PHACTR2: variants seen among roughly 807,000 people sequenced by gnomAD.
PHACTR2 encodes chromosome 6 open reading frame 56.
Under a neutral mutation model 76.0 loss-of-function variants are expected in PHACTR2, and 30 were observed. The ratio of observed to expected loss-of-function variants is 0.39; its 90% CI spans 0.30 to 0.54. PHACTR2 has a LOEUF of 0.54. Among genes scored for constraint, PHACTR2 ranks in the 20% least tolerant of loss-of-function variants. The pLI, the probability that PHACTR2 is intolerant of heterozygous loss-of-function variation, is 0.61. For synonymous variants in PHACTR2, 292 were observed against 292.5 expected (o/e 1.00, Z 0.02); for missense variants, 696 against 781.1 (o/e 0.89, Z 1.30).
In PHACTR2 at chr6:143,619,729, T is replaced by C. The variant is rs998392054; in HGVS notation, c.13+11407T>C. 6.6e-6 allele frequency among the ~76,000 whole-genome samples: 1 copy of C among 152,240 alleles called. No homozygotes were observed. Among genetic ancestry groups the C allele is most frequent in the Non-Finnish European group, 1.5e-5 (1 of 68,040 alleles). The stretch of plus-strand genomic sequence containing the variant: ...CCTCTGCACTTCACATCCTGGGTCT[T>C]ATTTTCTTAGTAAGGGAAATTTGGC... On this transcript the variant is annotated intron_variant, in intron 1 of 11. Transcript: ENST00000305766. The surrounding 1 kb of genome is among the most constrained non-coding windows in gnomAD (Gnocchi z 4.5).
At chr6:143,538,868 AG>A (rs1781144578) in intron 1 of PHACTR2, among the ~76,000 whole-genome samples, 1 of 152,212 alleles carries the variant, frequency 6.6e-6, no homozygotes, top group Non-Finnish European at 1.5e-5. Context: ...ATTTGTGTAA[AG>A]ATTCATCCTC....
In PHACTR2 at chr6:143,562,543, A is replaced by G. The variant is rs1775295475; in HGVS notation, c.217+25336A>G. Among the ~76,000 whole-genome samples the G allele has an allele frequency of 6.6e-6, 1 of 152,116 alleles. No individual in the cohort carries two copies. Among genetic ancestry groups the G allele is most frequent in the African/African-American group, 2.4e-5 (1 of 41,414 alleles). ...CCCCACCTCCAGCACTGGGGATTAC[A>G]ATTTAACATAAGATTTGGGTGGGGA... On this transcript the variant is annotated intron_variant, in intron 1 of 11. Transcript: ENST00000367584. This position sits in a 1 kb window ranked among gnomAD's most constrained non-coding sequence, Gnocchi z 5.1.
chr6:143,633,355 A>G lies in PHACTR2; in HGVS notation c.13+25033A>G, dbSNP rs573427151. On this transcript the variant is annotated intron_variant, in intron 1 of 11. Coordinates refer to the PHACTR2 transcript ENST00000305766. The surrounding 1 kb of genome is among the most constrained non-coding windows in gnomAD (Gnocchi z 4.1). ...CTTCAATTTGCAATTCCCTATCGGC[A>G]TATGATGCTGAACATCTTTTCATAT... is the stretch of plus-strand genomic sequence containing the variant. Among the ~76,000 whole-genome samples, 45 of 152,212 alleles carry G rather than the reference A, an allele frequency of 3.0e-4. No individual in the cohort carries two copies. Among genetic ancestry groups the G allele is most frequent in the Non-Finnish European group, 1.5e-5 (1 of 68,034 alleles).
rs1031812075 is a variant in PHACTR2, at chr6:143,647,009, C to T, written c.13+38687C>T. ...TTTAAAATGTATTTTTAGCAAGGCT[C>T]TAAAGATTAAGTCTTCACCTTGCTG... On this transcript the variant is annotated intron_variant, in intron 1 of 11. Transcript: ENST00000305766. This position sits in a 1 kb window ranked among gnomAD's most constrained non-coding sequence, Gnocchi z 4.2. Among the ~76,000 whole-genome samples, 1 of 152,186 alleles carries T rather than the reference C, an allele frequency of 6.6e-6. No individual in the cohort carries two copies. Among genetic ancestry groups the T allele is most frequent in the Non-Finnish European group, 1.5e-5 (1 of 68,034 alleles).
rs1775925991 is a variant in PHACTR2, at chr6:143,608,655, G to A, written c.13+333G>A. 2.6e-5 allele frequency among the ~76,000 whole-genome samples: 4 copies of A among 152,312 alleles called. No homozygotes were observed. Among genetic ancestry groups the A allele is most frequent in the African/African-American group, 9.6e-5 (4 of 41,564 alleles). On this transcript the variant is annotated intron_variant, in intron 1 of 11. Transcript: ENST00000305766. The surrounding 1 kb of genome is among the most constrained non-coding windows in gnomAD (Gnocchi z 4.6). ...GTTAGTGAAAAAACTATTACTAAGG[G>A]ATGGCACAAGGTAGATGGAATTAAG... is the stretch of plus-strand genomic sequence containing the variant.
At chr6:143,814,863 A>G (rs1309842520) in intron 12 of PHACTR2, among the ~76,000 whole-genome samples, 3 of 152,078 alleles carry the variant, frequency 2.0e-5, no homozygotes, top group Non-Finnish European at 4.4e-5. Context: ...CGGCCTCCCA[A>G]AGTGCTGGGA....
rs778709083 is a variant in PHACTR2, at chr6:143,791,003, C to A, written c.1845+2093C>A. Among the ~76,000 whole-genome samples, 6 of 152,104 alleles carry A rather than the reference C, an allele frequency of 3.9e-5. No individual in the cohort carries two copies. Among genetic ancestry groups the A allele is most frequent in the African/African-American group, 1.2e-4 (5 of 41,426 alleles). On this transcript the variant is annotated intron_variant, in intron 11 of 12. Coordinates refer to ENST00000440869, the MANE Select transcript of PHACTR2 (RefSeq NM_001100164.2). This position sits in a 1 kb window ranked among gnomAD's most constrained non-coding sequence, Gnocchi z 4.7. The stretch of plus-strand genomic sequence containing the variant: ...ACAAGATTCTTAAACTTAATACAGT[C>A]GAATTTATCAACCTTTTTCTTTATG...
chr6:143,593,711 C>G (rs1775718888), intron 1 of PHACTR2, among the ~76,000 whole-genome samples: 1 of 152,198 alleles, frequency 6.6e-6, no homozygotes, highest in African/African-American at 2.4e-5. Context: ...ATGATTCCTA[C>G]ATTATCTGAT....
In PHACTR2 at chr6:143,560,882, GGTGTGTGTGT is replaced by G. The variant is rs36070460; in HGVS notation, c.217+23710_217+23719del. 4.2e-4 allele frequency among the ~76,000 whole-genome samples: 56 copies of G among 133,092 alleles called. 1 individual carries two copies. The South Asian group carries it at 5.4e-3, about 13-fold the overall frequency. The allele number at this position is 133,092 out of a possible 152,430, so 87.3% of individuals were successfully genotyped here. ...TGGGATATAAAATGCAAAGCAGAGG[GGTGTGTGTGT>G]GTGTGTGTGTGTGTGTGTGTGTGTG... On this transcript the variant is annotated intron_variant, in intron 1 of 11. Coordinates refer to the PHACTR2 transcript ENST00000367584.
intron 9 of PHACTR2, among the ~76,000 whole-genome samples, chr6:143,781,698 T>C (rs73587150): frequency 0.017 from 2,544 of 152,348 alleles, 68 homozygotes; most frequent in African/African-American, 0.058. Context: ...ATCCAACTCA[T>C]ATGAGGTAAT....
At chr6:143,588,843 A>G (rs1775657856) in intron 1 of PHACTR2, among the ~76,000 whole-genome samples, 1 of 152,242 alleles carries the variant, frequency 6.6e-6, no homozygotes, top group African/African-American at 2.4e-5. Context: ...TTGAAAACAG[A>G]TGAAATGTAT....
Position 143,775,811 on chromosome 6 carries a change from T to A in PHACTR2, c.1590-1517T>A, listed in dbSNP as rs1011206040. Reference sequence around the variant, plus strand: ...TATCCTATACCCACCTCAATAAATGTCAAAGTAGCAGTAAAGAAAATTTTG... The same window carrying A: ...TATCCTATACCCACCTCAATAAATGACAAAGTAGCAGTAAAGAAAATTTTG... On this transcript the variant is annotated intron_variant, in intron 8 of 12. Coordinates refer to ENST00000440869, the MANE Select transcript of PHACTR2 (RefSeq NM_001100164.2). The surrounding 1 kb of genome is among the most constrained non-coding windows in gnomAD (Gnocchi z 4.4). 3.9e-5 allele frequency among the ~76,000 whole-genome samples: 6 copies of A among 152,236 alleles called. No homozygotes were observed. The highest frequency in any genetic ancestry group is 3.3e-4 in the Admixed American group (5 of 15,284).
intron 6 of PHACTR2, among the ~76,000 whole-genome samples, chr6:143,771,970 T>C (rs1013403198): frequency 5.9e-5 from 9 of 152,220 alleles, no homozygotes; most frequent in Admixed American, 1.3e-4. Context: ...CTGAAGGAGC[T>C]GAGGCTGTAG....
Position 143,760,549 on chromosome 6 carries a change from G to C in PHACTR2, c.603G>C (p.Val201=), listed in dbSNP as rs1184655637. The part of the protein sequence containing the change: ...TAGASHKGDE[V]PPIKKNTKAP... ...GGGCCAGCCACAAAGGTGATGAAGTGCCTCCCATTAAAAAAAATACCAAGG... is the reference window on the plus strand; with the variant it reads ...GGGCCAGCCACAAAGGTGATGAAGTCCCTCCCATTAAAAAAAATACCAAGG... The change falls in exon 5 of 13, where the codon GTG becomes GTC. Residue 201 remains valine, a synonymous_variant. Transcript: ENST00000440869. This position sits in a 1 kb window ranked among gnomAD's most constrained non-coding sequence, Gnocchi z 6.4. 1 of 1,613,822 alleles carries C rather than the reference G, an allele frequency of 6.2e-7. No individual in the cohort carries two copies.
At chr6:143,635,346 G>GTA (rs2128442822) in intron 1 of PHACTR2, among the ~76,000 whole-genome samples, 1 of 140,974 alleles carries the variant, frequency 7.1e-6, no homozygotes, top group Non-Finnish European at 1.6e-5. Context: ...GTGTGTGTGT[G>GTA]TGTGTTTTCT....
chr6:143,798,568 G>A (rs536977019), intron 11 of PHACTR2, among the ~76,000 whole-genome samples: 36 of 152,148 alleles, frequency 2.4e-4, no homozygotes, highest in African/African-American at 7.5e-4. Flanking sequence ...TTTGAGATAC[G>A]TTCCATCGAT....
rs1238369869 is a variant in PHACTR2, at chr6:143,689,557, C to T, written c.46+11348C>T. The stretch of plus-strand genomic sequence containing the variant: ...TATTGATTGATTTTTCAGCATGACA[C>T]ATTATCTACTGAGCTCACAGTATGG... On this transcript the variant is annotated intron_variant, in intron 1 of 12. Coordinates refer to ENST00000440869, the MANE Select transcript of PHACTR2 (RefSeq NM_001100164.2). The surrounding 1 kb of genome is among the most constrained non-coding windows in gnomAD (Gnocchi z 4.4). Among the ~76,000 whole-genome samples, 1 of 152,172 alleles carries T rather than the reference C, an allele frequency of 6.6e-6. No homozygotes were observed. Among genetic ancestry groups the T allele is most frequent in the Non-Finnish European group, 1.5e-5 (1 of 68,020 alleles).
chr6:143,816,062 T>C lies in PHACTR2; in HGVS notation c.1923-7612T>C, dbSNP rs938222872. Reference sequence around the variant, plus strand: ...CAGTATGAAAATAAGAAAAAATGTATTGCAGTTTTAAAAGAAAGAAGAAAA... The same window carrying C: ...CAGTATGAAAATAAGAAAAAATGTACTGCAGTTTTAAAAGAAAGAAGAAAA... On this transcript the variant is annotated intron_variant, in intron 12 of 12. Transcript: ENST00000440869. This position sits in a 1 kb window ranked among gnomAD's most constrained non-coding sequence, Gnocchi z 4.5. Among the ~76,000 whole-genome samples, 1 of 152,156 alleles carries C rather than the reference T, an allele frequency of 6.6e-6. No individual in the cohort carries two copies.
intron 12 of PHACTR2, among the ~76,000 whole-genome samples, chr6:143,815,616 G>T (rs144707969): frequency 6.6e-6 from 1 of 152,036 alleles, no homozygotes; most frequent in Non-Finnish European, 1.5e-5. Flanking sequence ...GGAAGGGCTG[G>T]GCGCAGTGGC....
Sources: gnomAD v4.1 joint callset for allele counts (sites outside exome capture counted in the v4.1 genomes callset) on GRCh38, gnomAD v4.1.1 for gene constraint, Gnocchi (gnomAD v3.1) non-coding constraint, MANE v1.5 for transcripts, NCBI Gene and HGNC (gene_info 2026-07-23, HGNC 2026-07-21) for gene names.